Variants in TASP1 observed in about 807,000 individuals in gnomAD.
TASP1 encodes threonine aspartase 1.
A neutral mutation model predicts 56.6 loss-of-function variants in TASP1; 16 were observed. The observed-to-expected ratio is 0.28, with a 90% CI of 0.19 to 0.43. The LOEUF (loss-of-function observed/expected upper bound fraction) is 0.43, where lower values mean the gene tolerates loss of function less well. Ranked by LOEUF, TASP1 falls within the 20% of genes least tolerant of loss-of-function variation. The pLI, the probability that TASP1 is intolerant of heterozygous loss-of-function variation, is 1.00. For synonymous variants in TASP1, 179 were observed against 184.2 expected (o/e 0.97, Z 0.23); for missense variants, 393 against 511.6 (o/e 0.77, Z 2.24).
the TASP1 span, among the ~76,000 whole-genome samples, chr20:13,321,253 T>TAAAAAAAAAAAAAAAAAAAAAAA: frequency 4.7e-4 from 27 of 57,516 alleles, 1 homozygote; most frequent in African/African-American, 6.1e-4. Flanking sequence ...GTGCCCCACA[T>TAAAAAAAAAAAAAAAAAAAAAAA]AAAAAAAAAA....
At chr20:13,153,957 C>T in the TASP1 span, 5 of 1,604,164 alleles carry the variant, frequency 3.1e-6, no homozygotes, top group South Asian at 1.1e-5. Context: ...CTTTACTTCC[C>T]TCTTTCTAGT....
chr20:13,310,406 C>T, the TASP1 span, among the ~76,000 whole-genome samples: 16 of 152,088 alleles, frequency 1.1e-4, no homozygotes, highest in Non-Finnish European at 1.3e-4. Flanking sequence ...TTATCTCACC[C>T]CACATATAAT....
At chr20:13,175,789 T>G in the TASP1 span, among the ~76,000 whole-genome samples, 2 of 152,204 alleles carry the variant, frequency 1.3e-5, no homozygotes, top group Non-Finnish European at 2.9e-5. Context: ...GGTTCCCCAC[T>G]GAGATTCTAC....
the TASP1 span, among the ~76,000 whole-genome samples, chr20:13,242,050 C>T: frequency 1.3e-5 from 2 of 152,072 alleles, no homozygotes; most frequent in Admixed American, 1.3e-4. Context: ...GCTTGGAGAT[C>T]TCAATGAGTT....
chr20:13,632,575 C>T (rs6134941), intron 1 of TASP1, among the ~76,000 whole-genome samples: 23,557 of 151,954 alleles, frequency 0.16, 1,891 homozygotes, highest in East Asian at 0.22. Context: ...CAGAGACTAT[C>T]TGAAATATAT....
At chr20:13,170,640 A>T in the TASP1 span, among the ~76,000 whole-genome samples, 6 of 152,190 alleles carry the variant, frequency 3.9e-5, no homozygotes, top group Admixed American at 1.3e-4. Flanking sequence ...CCCAGCTGCT[A>T]ATTTTTATAT....
intron 10 of TASP1, among the ~76,000 whole-genome samples, chr20:13,486,021 T>A (rs1445371892): frequency 6.6e-6 from 1 of 152,184 alleles, no homozygotes; most frequent in Non-Finnish European, 1.5e-5. Flanking sequence ...GATTGATCTT[T>A]TTACCAAGAA....
chr20:13,260,270 T>C, the TASP1 span, among the ~76,000 whole-genome samples: 1 of 152,182 alleles, frequency 6.6e-6, no homozygotes, highest in African/African-American at 2.4e-5. Flanking sequence ...AAATGGGCAT[T>C]ACTAGTTTCT....
chr20:13,479,121 T>A (rs914929309), intron 11 of TASP1, among the ~76,000 whole-genome samples: 1 of 152,078 alleles, frequency 6.6e-6, no homozygotes, highest in African/African-American at 2.4e-5. Context: ...GCCATAAATA[T>A]ACATACCAAT....
At chr20:13,597,067 G>A (rs538349347) in intron 4 of TASP1, among the ~76,000 whole-genome samples, 1 of 152,274 alleles carries the variant, frequency 6.6e-6, no homozygotes, top group African/African-American at 2.4e-5. Flanking sequence ...AAAAAGTCCA[G>A]GACAGACGGA....
chr20:13,187,608 C>T, the TASP1 span, among the ~76,000 whole-genome samples: 3 of 151,666 alleles, frequency 2.0e-5, no homozygotes, highest in African/African-American at 4.8e-5. Context: ...ATTAGCTGGG[C>T]GTGGTAGCGC....
the TASP1 span, among the ~76,000 whole-genome samples, chr20:13,139,236 TC>T: frequency 1.3e-5 from 2 of 152,244 alleles, no homozygotes; most frequent in African/African-American, 4.8e-5. Flanking sequence ...AATTTGGGTT[TC>T]TTTTTACAGA....
chr20:13,388,786 A>C (rs1312691237), downstream of TASP1, among the ~76,000 whole-genome samples: 1 of 152,256 alleles, frequency 6.6e-6, no homozygotes, highest in Non-Finnish European at 1.5e-5. Flanking sequence ...CTATGAGAGC[A>C]CAGCAAGACA....
At chr20:13,234,526 C>T in the TASP1 span, among the ~76,000 whole-genome samples, 1 of 152,154 alleles carries the variant, frequency 6.6e-6, no homozygotes, top group African/African-American at 2.4e-5. Context: ...TGAGAAATCT[C>T]CATACTGTTT....
At chr20:13,111,253 A>G in the TASP1 span, among the ~76,000 whole-genome samples, 1 of 152,044 alleles carries the variant, frequency 6.6e-6, no homozygotes, top group East Asian at 1.9e-4. Context: ...TTTCTGCATC[A>G]CCTACCATTA....
the TASP1 span, among the ~76,000 whole-genome samples, chr20:13,347,771 G>A: frequency 6.6e-5 from 10 of 152,004 alleles, no homozygotes; most frequent in Non-Finnish European, 1.3e-4. Context: ...GAATCCGGGG[G>A]GCAGAGGTTT....
chr20:13,109,162 C>T, the TASP1 span, among the ~76,000 whole-genome samples: 1 of 152,164 alleles, frequency 6.6e-6, no homozygotes, highest in Non-Finnish European at 1.5e-5. Flanking sequence ...AACCCAAGCC[C>T]AGTCATCAAC....
At chr20:13,606,317 G>A (rs1189256183) in intron 4 of TASP1, among the ~76,000 whole-genome samples, 1 of 152,086 alleles carries the variant, frequency 6.6e-6, no homozygotes, top group East Asian at 1.9e-4. Flanking sequence ...TTTCATTCAT[G>A]TCTCTGTTCA....
At chr20:13,637,269 G>A (rs1168745307) in intron 1 of TASP1, among the ~76,000 whole-genome samples, 1 of 152,136 alleles carries the variant, frequency 6.6e-6, no homozygotes, top group African/African-American at 2.4e-5. Context: ...GAAAAAATCA[G>A]AACCCTTATA....
Sources: gnomAD v4.1 joint callset for allele counts (sites outside exome capture counted in the v4.1 genomes callset) on GRCh38, gnomAD v4.1.1 for gene constraint, MANE v1.5 for transcripts, NCBI Gene and HGNC (gene_info 2026-07-23, HGNC 2026-07-21) for gene names.